SLC13A5: variants seen among roughly 807,000 people sequenced by gnomAD.
The protein encoded by SLC13A5 is solute carrier family 13 member 5.
In SLC13A5, 25 loss-of-function variants were observed where a neutral mutation model predicts 56.5. The ratio of observed to expected loss-of-function variants is 0.44; its 90% confidence interval spans 0.32 to 0.62. The LOEUF (loss-of-function observed/expected upper bound fraction) is 0.62, where lower values mean the gene tolerates loss of function less well. SLC13A5 is among the 20% of genes least tolerant of loss of function. The probability of loss-of-function intolerance (pLI) is 0.04; values close to 1 mark genes in which losing one functional copy is unlikely to be tolerated. For missense variants in SLC13A5, 649 were observed against 737.8 expected, an observed-to-expected ratio of 0.88 and a Z score of 1.39; for synonymous variants, 307 against 301.5, an observed-to-expected ratio of 1.02 and a Z score of -0.19.
chr17:6,706,555 G>A, intron 3 of SLC13A5, 87 bp downstream of exon 3: 1 of 1,529,142 alleles, frequency 6.5e-7, no homozygotes, highest in Non-Finnish European at 8.8e-7. Flanking sequence ...CTCACCAGTG[G>A]ATGGCCTGGT....
intron 3 of SLC13A5, 133 bp downstream of exon 3, chr17:6,706,509 C>T (rs1048364504): frequency 1.2e-5 from 16 of 1,311,048 alleles, no homozygotes; most frequent in Non-Finnish European, 1.5e-5. Flanking sequence ...ATAACGCACC[C>T]CACCCAGCCA....
In SLC13A5 at chr17:6,707,013, C is replaced by T; in HGVS notation, c.231+15G>A. 5 of 1,613,556 alleles carry T rather than the reference C, an allele frequency of 3.1e-6. No individual in the cohort carries two copies. The highest frequency in any genetic ancestry group is 4.2e-6 in the Non-Finnish European group (5 of 1,179,912). On this transcript the variant is annotated intron_variant, in intron 2 of 11. Transcript: ENST00000433363. ...GAGAACCAGAAAGTCACCAGGATCC[C>T]TTGGGTCTGCTCACCTGCCTGGAGT...
intron 1 of SLC13A5, among the ~76,000 whole-genome samples, chr17:6,712,678 C>T (rs929409326): frequency 6.6e-6 from 1 of 152,238 alleles, no homozygotes; most frequent in Non-Finnish European, 1.5e-5. Context: ...GATAGAGACA[C>T]TAAGGCCCAA....
intron 4 of SLC13A5, 22 bp downstream of exon 4, chr17:6,703,856 A>T (rs1247053742): frequency 1.3e-6 from 2 of 1,513,054 alleles, no homozygotes; most frequent in South Asian, 2.6e-5. Context: ...GTGGCCTGGC[A>T]GTGCCCTGGC....
At position 6,711,096 on chromosome 17, in the gene SLC13A5, G is replaced by A. The variant is rs965392778; in HGVS notation, c.102+2136C>T. On this transcript the variant is annotated intron_variant, in intron 1 of 11. Coordinates refer to ENST00000433363, the MANE Select transcript of SLC13A5 (RefSeq NM_177550.5). The surrounding 1 kb of genome is among the most constrained non-coding windows in gnomAD (Gnocchi z 4.0). ...AGAGAGGCCTGGGTGTTGGCAGAGG[G>A]TGGCGTGCCCTGGGAGTCACCTCCT... is the stretch of plus-strand genomic sequence containing the variant. 4.6e-5 allele frequency among the ~76,000 whole-genome samples: 7 copies of A among 152,080 alleles called. No homozygotes were observed. Among genetic ancestry groups the A allele is most frequent in the African/African-American group, 1.4e-4 (6 of 41,412 alleles).
At position 6,692,983 on chromosome 17, in the gene SLC13A5, A is replaced by T; in HGVS notation, c.1275+61T>A. 7.8e-7 allele frequency: 1 copy of T among 1,278,376 alleles called. No homozygotes were observed. The highest frequency in any genetic ancestry group is 1.1e-6 in the Non-Finnish European group (1 of 873,986). 79.2% of individuals were successfully genotyped at this position (1,278,376 alleles called of 1,614,324 possible). On this transcript the variant is annotated intron_variant, in intron 9 of 11. Coordinates refer to ENST00000433363, the MANE Select transcript of SLC13A5 (RefSeq NM_177550.5). The surrounding 1 kb of genome is among the most constrained non-coding windows in gnomAD (Gnocchi z 5.5). ...CACAAGCCCAGGGATGGAAGGGTGG[A>T]GAAACGCCACCCTCTTGACGAAGAA...
intron 1 of SLC13A5, among the ~76,000 whole-genome samples, chr17:6,710,937 A>C (rs1477636535): frequency 6.6e-6 from 1 of 152,200 alleles, no homozygotes; most frequent in Non-Finnish European, 1.5e-5. Flanking sequence ...GTGATACAAG[A>C]AATCTATCAT....
intron 6 of SLC13A5, 54 bp downstream of exon 6, chr17:6,700,950 T>C: frequency 1.2e-6 from 2 of 1,609,254 alleles, no homozygotes; most frequent in Non-Finnish European, 1.7e-6. Flanking sequence ...AGGGCTCTTC[T>C]GCAGCTTTGA....
intron 7 of SLC13A5, 71 bp from the exon 8 acceptor site, chr17:6,694,268 G>T: frequency 1.1e-6 from 1 of 895,904 alleles, no homozygotes; most frequent in Non-Finnish European, 1.8e-6. Context: ...AACTCCGGCA[G>T]TTCTGTGTCC....
chr17:6,696,846 G>A (rs1302377706), intron 6 of SLC13A5, among the ~76,000 whole-genome samples: 1 of 152,216 alleles, frequency 6.6e-6, no homozygotes, highest in African/African-American at 2.4e-5. Context: ...ATAATCATAG[G>A]AGGGAAGGGG....
chr17:6,713,106 C>T lies in SLC13A5; in HGVS notation c.102+126G>A. On this transcript the variant is annotated intron_variant, in intron 1 of 11. Coordinates refer to ENST00000433363, the MANE Select transcript of SLC13A5 (RefSeq NM_177550.5). This position sits in a 1 kb window ranked among gnomAD's most constrained non-coding sequence, Gnocchi z 7.3. ...CCGGCACCTGGAGCTCCTGAGTGCGCGCGCCCCGGGAGAGCTGTGCTCCCC... is the reference window on the plus strand; with the variant it reads ...CCGGCACCTGGAGCTCCTGAGTGCGTGCGCCCCGGGAGAGCTGTGCTCCCC... The T allele has an allele frequency of 1.1e-6, 1 of 918,818 alleles. No individual in the cohort carries two copies. The highest frequency in any genetic ancestry group is 1.7e-6 in the Non-Finnish European group (1 of 603,636). 56.9% of individuals were successfully genotyped at this position (918,818 alleles called of 1,614,324 possible).
intron 6 of SLC13A5, among the ~76,000 whole-genome samples, chr17:6,700,751 A>T (rs1427644240): frequency 6.6e-6 from 1 of 152,168 alleles, no homozygotes; most frequent in African/African-American, 2.4e-5. Flanking sequence ...GCAGCATTTG[A>T]ACTAGCCTTG....
rs190229473 is a variant in SLC13A5, at chr17:6,698,836, A to G, written c.839+2168T>C. 2.3e-3 allele frequency among the ~76,000 whole-genome samples: 356 copies of G among 152,180 alleles called. 1 individual carries two copies. Among genetic ancestry groups the G allele is most frequent in the African/African-American group, 8.5e-3 (351 of 41,534 alleles). ...GCGGATCACCGGAGGTTAGGAGTTC[A>G]AGACCAGCCTGGCCAACATGGCAAA... On this transcript the variant is annotated intron_variant, in intron 6 of 11. Transcript: ENST00000433363.
chr17:6,709,257 T>C (rs1973954089), intron 1 of SLC13A5, among the ~76,000 whole-genome samples: 2 of 151,222 alleles, frequency 1.3e-5, no homozygotes, highest in Admixed American at 6.6e-5. Context: ...ATTTATTTAT[T>C]TATTTATTTA....
In SLC13A5 at chr17:6,711,533, T is replaced by G. The variant is rs571638396; in HGVS notation, c.102+1699A>C. ...ATGTGTATGTGTGTGTTTGTGTTTT[T>G]TGTGTGTTTTGTGTGTGTGTTTGTG... On this transcript the variant is annotated intron_variant, in intron 1 of 11. Coordinates refer to ENST00000433363, the MANE Select transcript of SLC13A5 (RefSeq NM_177550.5). The surrounding 1 kb of genome is among the most constrained non-coding windows in gnomAD (Gnocchi z 4.0). Among the ~76,000 whole-genome samples the G allele has an allele frequency of 6.7e-6, 1 of 149,878 alleles. No individual in the cohort carries two copies. Among genetic ancestry groups the G allele is most frequent in the African/African-American group, 2.4e-5 (1 of 40,860 alleles).
rs1378256107 is a variant in SLC13A5, at chr17:6,711,235, T to G, written c.102+1997A>C. Among the ~76,000 whole-genome samples the G allele has an allele frequency of 2.6e-5, 4 of 151,894 alleles. No individual in the cohort carries two copies. The highest frequency in any genetic ancestry group is 9.7e-5 in the African/African-American group (4 of 41,358). ...GTTTCCTTGCACAATGGGGCGGCCA[T>G]GGAGGGTGGGGGCAGGGTGACCAAA... On this transcript the variant is annotated intron_variant, in intron 1 of 11. Coordinates refer to ENST00000433363, the MANE Select transcript of SLC13A5 (RefSeq NM_177550.5). This position sits in a 1 kb window ranked among gnomAD's most constrained non-coding sequence, Gnocchi z 4.0.
intron 8 of SLC13A5, chr17:6,693,424 T>G (rs1973471472): frequency 3.1e-6 from 1 of 322,240 alleles, no homozygotes; most frequent in Non-Finnish European, 5.6e-6. Flanking sequence ...TGAAAAGCAA[T>G]TTGGCCATAC....
rs1973654000 is a variant in SLC13A5 at position 6,699,509 on chromosome 17, C to T, written c.839+1495G>A. On this transcript the variant is annotated intron_variant, in intron 6 of 11. Coordinates refer to ENST00000433363, the MANE Select transcript of SLC13A5 (RefSeq NM_177550.5). Reference sequence around the variant, plus strand: ...GTTTTGAGACAGAGTCTTGCTCTGTCGCCCAGGCTGGAGTGCAGTGGCATG... The same window carrying T: ...GTTTTGAGACAGAGTCTTGCTCTGTTGCCCAGGCTGGAGTGCAGTGGCATG... Among the ~76,000 whole-genome samples, 8 of 152,034 alleles carry T rather than the reference C, an allele frequency of 5.3e-5. No individual in the cohort carries two copies. The South Asian group carries it at 1.7e-3, about 32-fold the overall frequency.
In SLC13A5 at chr17:6,695,893, C is replaced by A. The variant is rs1477649056; in HGVS notation, c.888G>T (p.Lys296Asn). 1 of 1,614,120 alleles carries A rather than the reference C, an allele frequency of 6.2e-7. No individual in the cohort carries two copies. The highest frequency in any genetic ancestry group is 8.5e-7 in the Non-Finnish European group (1 of 1,180,030). ...GCGLESKKNEKAALKVLQEEY... is the reference protein window; with the variant it reads ...GCGLESKKNENAALKVLQEEY... The stretch of plus-strand genomic sequence containing the variant: ...CCTCCTGCAGCACCTTGAGGGCAGC[C>A]TTCTCGTTTTTCTTGCTCTCTAGCC... Residue 296 changes from lysine to asparagine, a missense_variant, in exon 7 of 12, where the codon AAG becomes AAT. Physicochemically the swap from Lys to Asn is moderately conservative, Grantham distance 94. Coordinates refer to ENST00000433363, the MANE Select transcript of SLC13A5 (RefSeq NM_177550.5).
Sources: allele counts gnomAD v4.1 joint callset (sites outside exome capture counted in the v4.1 genomes callset), GRCh38; gene constraint gnomAD v4.1.1; non-coding constraint Gnocchi (gnomAD v3.1); transcripts MANE v1.5; gene names NCBI Gene and HGNC (gene_info 2026-07-23, HGNC 2026-07-21).